Variants in VWA8 observed in about 807,000 individuals in gnomAD.
The protein encoded by VWA8 is von Willebrand factor A domain-containing protein 8.
A neutral mutation model predicts 241.5 loss-of-function variants in VWA8; 221 were observed. The observed-to-expected ratio is 0.91, with a 90% confidence interval of 0.82 to 1.02. The LOEUF (loss-of-function observed/expected upper bound fraction) is 1.02. Ranked by LOEUF, VWA8 falls within the 50% of genes least tolerant of loss-of-function variation. The probability of loss-of-function intolerance (pLI) is 0.00; values close to 1 mark genes in which losing one functional copy is unlikely to be tolerated. For missense variants in VWA8, 2,322 were observed against 2,328.7 expected (o/e 1.00, Z 0.06); for synonymous variants, 852 against 827.1 (o/e 1.03, Z -0.52).
intron 30 of VWA8, among the ~76,000 whole-genome samples, chr13:41,692,282 T>A (rs1240464009): frequency 6.6e-6 from 1 of 151,980 alleles, no homozygotes; most frequent in East Asian, 1.9e-4. Context: ...AGGATACATT[T>A]ATGACATTAA....
chr13:41,841,784 C>CAAAAA (rs1166227706), intron 12 of VWA8, among the ~76,000 whole-genome samples: 1 of 33,406 alleles, frequency 3.0e-5, no homozygotes, highest in African/African-American at 1.8e-4. Context: ...GACTCTGTCT[C>CAAAAA]AAAAAAAAAA....
chr13:41,865,540 T>A, intron 12 of VWA8, 196 bp downstream of exon 12: 4 of 562,572 alleles, frequency 7.1e-6, no homozygotes, highest in Non-Finnish European at 9.1e-6. Flanking sequence ...GTTGTGCACA[T>A]CAGATATCCT....
At chr13:41,827,103 ATCTG>A (rs1235196653) in intron 14 of VWA8, among the ~76,000 whole-genome samples, 1 of 151,578 alleles carries the variant, frequency 6.6e-6, no homozygotes, top group African/African-American at 2.4e-5. Flanking sequence ...TTATTTACAT[ATCTG>A]TCTCTCTTCA....
At chr13:41,678,264 G>T (rs1472062207) in intron 35 of VWA8, among the ~76,000 whole-genome samples, 1 of 152,162 alleles carries the variant, frequency 6.6e-6, no homozygotes, top group Non-Finnish European at 1.5e-5. Context: ...GAATGGGTAA[G>T]AAAATAGAGT....
intron 21 of VWA8, 77 bp from the exon 22 acceptor site, chr13:41,732,232 G>T (rs1271980696): frequency 1.5e-6 from 2 of 1,357,088 alleles, no homozygotes; most frequent in Non-Finnish European, 2.0e-6. Context: ...TACAGCACAG[G>T]TGCATTTTTT....
At chr13:41,705,108 A>G (rs1343144351) in intron 26 of VWA8, among the ~76,000 whole-genome samples, 2 of 152,252 alleles carry the variant, frequency 1.3e-5, no homozygotes, top group Non-Finnish European at 2.9e-5. Context: ...GTTTATCACA[A>G]GAGGAACGAA....
intron 22 of VWA8, among the ~76,000 whole-genome samples, chr13:41,731,637 G>C (rs1020124003): frequency 6.6e-6 from 1 of 152,130 alleles, no homozygotes; most frequent in Non-Finnish European, 1.5e-5. Flanking sequence ...GATACGGTTT[G>C]GCTGTGTCCC....
At chr13:41,757,366 A>G (rs1442263082) in intron 21 of VWA8, among the ~76,000 whole-genome samples, 2 of 151,852 alleles carry the variant, frequency 1.3e-5, no homozygotes, top group African/African-American at 4.8e-5. Flanking sequence ...CCATGAGAAG[A>G]TATAAAAATA....
rs2045257297 is a variant in VWA8, at chr13:41,702,544, C to T, written c.3225+759G>A. On this transcript the variant is annotated intron_variant, in intron 27 of 44. Coordinates refer to ENST00000379310, the MANE Select transcript of VWA8 (RefSeq NM_015058.2). ...TACTGTAAGGGTTGACAAACTATGG[C>T]CTCCAGGCCAGGTCTGATCCACAGC... Among the ~76,000 whole-genome samples the T allele has an allele frequency of 2.0e-5, 3 of 152,192 alleles. No homozygotes were observed. In the South Asian group the frequency reaches 6.2e-4, roughly 31 times the overall value.
intron 9 of VWA8, among the ~76,000 whole-genome samples, chr13:41,875,182 C>A (rs560064791): frequency 2.6e-5 from 4 of 152,190 alleles, no homozygotes; most frequent in Non-Finnish European, 4.4e-5. Context: ...GAAAGGACTT[C>A]TGCTTTAACT....
chr13:41,792,769 A>T (rs11843595), intron 17 of VWA8, among the ~76,000 whole-genome samples: 23,355 of 151,918 alleles, frequency 0.15, 1,892 homozygotes, highest in East Asian at 0.19. Flanking sequence ...ACTTTTCTCC[A>T]TTAAAGCATT....
chr13:41,841,386 A>C (rs1382852590), intron 12 of VWA8, among the ~76,000 whole-genome samples: 1 of 152,222 alleles, frequency 6.6e-6, no homozygotes, highest in Non-Finnish European at 1.5e-5. Context: ...TGTTGTTTTA[A>C]AATTTATTTC....
At chr13:41,753,004 A>T (rs981035102) in intron 21 of VWA8, among the ~76,000 whole-genome samples, 2 of 152,204 alleles carry the variant, frequency 1.3e-5, no homozygotes, top group Admixed American at 6.6e-5. Flanking sequence ...GGTTTTATGT[A>T]GAAGTAACAG....
intron 21 of VWA8, among the ~76,000 whole-genome samples, chr13:41,749,439 C>T (rs962146024): frequency 3.3e-5 from 5 of 151,942 alleles, no homozygotes; most frequent in Middle Eastern, 3.4e-3. Flanking sequence ...TTGTGGAAGT[C>T]GGTGTGGCAA....
At chr13:41,886,111 T>G in intron 7 of VWA8, 83 bp from the exon 8 acceptor site, 1 of 895,482 alleles carries the variant, frequency 1.1e-6, no homozygotes, top group Non-Finnish European at 1.7e-6. Context: ...AGGGGCCAAT[T>G]TAATTAATCT....
chr13:41,884,072 A>G (rs954178710), intron 8 of VWA8, among the ~76,000 whole-genome samples: 4 of 152,338 alleles, frequency 2.6e-5, no homozygotes, highest in East Asian at 1.9e-4. Flanking sequence ...AGATGATACT[A>G]TGGATTACTG....
rs1053089936 is a variant in VWA8, at chr13:41,798,420, G to A, written c.2064-10877C>T. ...CAGTCTTTAGCTGAAAATGTATTCC[G>A]CTAGGCAAAGACTTCTGGCATTGAT... On this transcript the variant is annotated intron_variant, in intron 17 of 44. Transcript: ENST00000379310. Among the ~76,000 whole-genome samples, 7 of 152,064 alleles carry A rather than the reference G, an allele frequency of 4.6e-5. No individual in the cohort carries two copies. In the East Asian group the frequency reaches 5.8e-4, roughly 13 times the overall value.
At chr13:41,640,658 T>C (rs9315852) in intron 37 of VWA8, among the ~76,000 whole-genome samples, 5,037 of 152,296 alleles carry the variant, frequency 0.033, 280 homozygotes, top group African/African-American at 0.11. Flanking sequence ...AAGTTTTACC[T>C]AGTGATTTAG....
At chr13:41,785,509 C>A (rs534486253) in intron 18 of VWA8, among the ~76,000 whole-genome samples, 2 of 151,778 alleles carry the variant, frequency 1.3e-5, no homozygotes, top group Non-Finnish European at 2.9e-5. Context: ...CACTAGAATG[C>A]GACTTTTGTG....
Sources: gnomAD v4.1 joint callset for allele counts (sites outside exome capture counted in the v4.1 genomes callset) on GRCh38, gnomAD v4.1.1 for gene constraint, MANE v1.5 for transcripts, NCBI Gene and HGNC (gene_info 2026-07-23, HGNC 2026-07-21) for gene names.